The following NBAS variants were observed in gnomAD, a reference collection of about 807,000 sequenced individuals.
NBAS encodes NBAS subunit of NRZ tethering complex, also known as NAG/BC035112 fusion.
Under a neutral mutation model 302.5 loss-of-function variants are expected in NBAS, and 219 were observed. The observed-to-expected ratio is 0.72, with a 90% CI of 0.65 to 0.81. The LOEUF (loss-of-function observed/expected upper bound fraction) is 0.81, where lower values mean the gene tolerates loss of function less well. Among genes scored for constraint, NBAS ranks in the 30% least tolerant of loss-of-function variants. The pLI, the probability that NBAS is intolerant of heterozygous loss-of-function variation, is 0.00. For missense variants in NBAS, 2,932 were observed against 2,841.6 expected (o/e 1.03, Z -0.72); for synonymous variants, 1,118 against 1,021.6 (o/e 1.09, Z -1.80).
chr2:14,968,394 T>C, the NBAS span, among the ~76,000 whole-genome samples: 1 of 152,022 alleles, frequency 6.6e-6, no homozygotes, highest in Non-Finnish European at 1.5e-5. Flanking sequence ...GCCCCTGAGG[T>C]TTGGAATTTT....
chr2:14,795,069 A>G, the NBAS span, among the ~76,000 whole-genome samples: 2 of 152,194 alleles, frequency 1.3e-5, no homozygotes, highest in Non-Finnish European at 2.9e-5. Context: ...ATATTTGTGT[A>G]CAAGTCTTTA....
chr2:15,067,386 AGGG>A, the NBAS span, among the ~76,000 whole-genome samples: 36,992 of 54,498 alleles, frequency 0.68, 13,149 homozygotes, highest in East Asian at 0.79. Context: ...AGAGGAGAGG[AGGG>A]GAGGGGAGGG....
intron 9 of NBAS, among the ~76,000 whole-genome samples, chr2:15,534,296 G>A (rs920601757): frequency 2.6e-5 from 4 of 152,150 alleles, no homozygotes; most frequent in Non-Finnish European, 5.9e-5. Flanking sequence ...TAAGGTCCGG[G>A]GGTTAAAAGA....
intron 1 of NBAS, among the ~76,000 whole-genome samples, chr2:15,558,847 C>G (rs1664771659): frequency 6.6e-6 from 1 of 151,996 alleles, no homozygotes; most frequent in African/African-American, 2.4e-5. Context: ...GGTGGGCTGA[C>G]TGCTTGAGCC....
chr2:15,368,060 CAAAT>C (rs1674298250), intron 31 of NBAS, among the ~76,000 whole-genome samples: 2 of 151,994 alleles, frequency 1.3e-5, no homozygotes, highest in South Asian at 2.1e-4. Flanking sequence ...CATATATACA[CAAAT>C]AGTTACACAT....
chr2:14,805,790 T>G, the NBAS span, among the ~76,000 whole-genome samples: 5,900 of 152,268 alleles, frequency 0.039, 359 homozygotes, highest in African/African-American at 0.13. Flanking sequence ...TGGACTTTTA[T>G]TGACTGCCTT....
At chr2:15,440,043 C>G (rs1678275599) in intron 21 of NBAS, among the ~76,000 whole-genome samples, 1 of 152,246 alleles carries the variant, frequency 6.6e-6, no homozygotes, top group Non-Finnish European at 1.5e-5. Flanking sequence ...CTCAAGGAGG[C>G]CTGCCTGCCT....
At chr2:15,388,444 C>G (rs935252175) in intron 28 of NBAS, among the ~76,000 whole-genome samples, 1 of 151,370 alleles carries the variant, frequency 6.6e-6, no homozygotes, top group Non-Finnish European at 1.5e-5. Context: ...TACTATATAC[C>G]CATCTAAATG....
the NBAS span, among the ~76,000 whole-genome samples, chr2:15,079,266 A>C: frequency 6.6e-6 from 1 of 152,200 alleles, no homozygotes; most frequent in African/African-American, 2.4e-5. Context: ...AACCTATCTG[A>C]GCCACTAACT....
the NBAS span, among the ~76,000 whole-genome samples, chr2:14,838,744 G>A: frequency 3.5e-4 from 53 of 151,944 alleles, no homozygotes; most frequent in African/African-American, 1.3e-3. Flanking sequence ...GCAATCCTAG[G>A]TTGCCTTAGT....
At chr2:15,119,887 C>T in the NBAS span, among the ~76,000 whole-genome samples, 1 of 152,170 alleles carries the variant, frequency 6.6e-6, no homozygotes, top group African/African-American at 2.4e-5. Flanking sequence ...GGAATTGCTG[C>T]TCCTTTTACA....
Position 15,238,698 on chromosome 2 carries a change from G to GAATT in NBAS, c.5725-13_5725-12insAATT, listed in dbSNP as rs57516013. ...GCTTCCACAGACAGCTTAAAAAAAA[G>GAATT]AATAGTGAGACCAAAGAACCCTGCA... On this transcript the variant is annotated splice_polypyrimidine_tract_variant and intron_variant, in intron 44 of 51. Transcript: ENST00000281513. 1,570,929 of 1,608,904 alleles carry GAATT rather than the reference G, an allele frequency of 0.98. 767,169 individuals carry two copies. Among genetic ancestry groups the GAATT allele is most frequent in the East Asian group, 1 (44,782 of 44,822 alleles).
chr2:14,847,314 C>T, the NBAS span, among the ~76,000 whole-genome samples: 13 of 138,078 alleles, frequency 9.4e-5, no homozygotes, highest in African/African-American at 2.7e-4. Context: ...ACCCAGGAGG[C>T]GGAGCTTGCA....
At chr2:15,209,076 G>A (rs1666282843) in intron 48 of NBAS, among the ~76,000 whole-genome samples, 1 of 151,920 alleles carries the variant, frequency 6.6e-6, no homozygotes, top group Non-Finnish European at 1.5e-5. Flanking sequence ...AACAAAAAGT[G>A]AGAGAAAACC....
At chr2:14,919,126 A>G in the NBAS span, among the ~76,000 whole-genome samples, 13,245 of 152,134 alleles carry the variant, frequency 0.087, 651 homozygotes, top group African/African-American at 0.11. Flanking sequence ...CCTGTGGCTT[A>G]TTCCAGGTGA....
intron 19 of NBAS, 135 bp from the exon 20 acceptor site, chr2:15,461,926 T>C: frequency 1.6e-6 from 1 of 631,948 alleles, no homozygotes; most frequent in Non-Finnish European, 2.8e-6. Flanking sequence ...AACCATCAAT[T>C]GTTAACTAAA....
At chr2:15,178,504 G>A (rs1664660043) in intron 51 of NBAS, among the ~76,000 whole-genome samples, 1 of 152,196 alleles carries the variant, frequency 6.6e-6, no homozygotes, top group Admixed American at 6.5e-5. Flanking sequence ...AAGACAAGAA[G>A]GTTGCCAGAG....
At chr2:15,053,751 G>A in the NBAS span, among the ~76,000 whole-genome samples, 1 of 152,122 alleles carries the variant, frequency 6.6e-6, no homozygotes, top group South Asian at 2.1e-4. Flanking sequence ...CAAGAAACAT[G>A]ACTGGTAGAT....
At chr2:15,095,380 A>G in the NBAS span, among the ~76,000 whole-genome samples, 1 of 152,210 alleles carries the variant, frequency 6.6e-6, no homozygotes, top group African/African-American at 2.4e-5. Flanking sequence ...AGCAGGCAAG[A>G]GAGAGAGAAT....
Sources: allele counts gnomAD v4.1 joint callset (sites outside exome capture counted in the v4.1 genomes callset), GRCh38; gene constraint gnomAD v4.1.1; transcripts MANE v1.5; gene names NCBI Gene and HGNC (gene_info 2026-07-23, HGNC 2026-07-21).